Variants in NRG3 observed in about 807,000 individuals in gnomAD.
NRG3 encodes pro-neuregulin-3, membrane-bound isoform.
In NRG3, 31 loss-of-function variants were observed where a neutral mutation model predicts 66.9. That is an observed-to-expected ratio of 0.46 (90% confidence interval 0.35 to 0.63). NRG3 has a LOEUF of 0.63. NRG3 is among the 20% of genes least tolerant of loss of function. NRG3 has a pLI of 0.00. For synonymous variants in NRG3, 393 were observed against 359.4 expected, an observed-to-expected ratio of 1.09 and a Z score of -1.06; for missense variants, 910 against 878.9, an observed-to-expected ratio of 1.04 and a Z score of -0.45.
intron 1 of NRG3, among the ~76,000 whole-genome samples, chr10:82,099,929 A>T (rs987219432): frequency 1.3e-5 from 2 of 151,870 alleles, no homozygotes; most frequent in Non-Finnish European, 2.9e-5. Context: ...GTATGCAGTG[A>T]GCTGTGATTC....
intron 1 of NRG3, among the ~76,000 whole-genome samples, chr10:81,879,539 C>T (rs1841992252): frequency 6.6e-6 from 1 of 152,094 alleles, no homozygotes; most frequent in Non-Finnish European, 1.5e-5. Flanking sequence ...AATTCAAATA[C>T]TAAAGACAAA....
intron 1 of NRG3, among the ~76,000 whole-genome samples, chr10:82,147,611 T>C (rs1318057106): frequency 6.6e-6 from 1 of 152,222 alleles, no homozygotes; most frequent in Non-Finnish European, 1.5e-5. Flanking sequence ...CTGCCCAGCC[T>C]GAGCTGCCCA....
intron 1 of NRG3, among the ~76,000 whole-genome samples, chr10:82,325,953 A>G (rs1219274189): frequency 6.6e-6 from 1 of 152,176 alleles, no homozygotes; most frequent in Non-Finnish European, 1.5e-5. Context: ...AAGATACTTT[A>G]TATTTACTCA....
At chr10:81,961,811 T>TG (rs1850390286) in intron 1 of NRG3, among the ~76,000 whole-genome samples, 1 of 152,228 alleles carries the variant, frequency 6.6e-6, no homozygotes, top group East Asian at 1.9e-4. Flanking sequence ...TAGAAGGAGT[T>TG]TATTCTCTAT....
intron 2 of NRG3, among the ~76,000 whole-genome samples, chr10:82,605,210 G>T (rs1356899592): frequency 6.6e-6 from 1 of 152,018 alleles, no homozygotes; most frequent in South Asian, 2.1e-4. Flanking sequence ...GTTTGAGAAA[G>T]TGTACCTCTA....
chr10:82,535,483 T>C (rs1847725024), intron 2 of NRG3, among the ~76,000 whole-genome samples: 1 of 152,108 alleles, frequency 6.6e-6, no homozygotes, highest in South Asian at 2.1e-4. Context: ...ATCAGAATTT[T>C]CTATTTTGAG....
chr10:82,688,087 C>G (rs1472495601), intron 2 of NRG3, among the ~76,000 whole-genome samples: 1 of 152,158 alleles, frequency 6.6e-6, no homozygotes. Context: ...TTATCTTCCA[C>G]CTCCAGTGCA....
chr10:82,250,928 A>G (rs1275471946), intron 1 of NRG3, among the ~76,000 whole-genome samples: 1 of 152,208 alleles, frequency 6.6e-6, no homozygotes, highest in East Asian at 1.9e-4. Flanking sequence ...GCCAAGCTGC[A>G]TTTGATCGGC....
At chr10:82,371,869 G>A (rs897329169) in intron 2 of NRG3, among the ~76,000 whole-genome samples, 1 of 152,080 alleles carries the variant, frequency 6.6e-6, no homozygotes, top group African/African-American at 2.4e-5. Flanking sequence ...AAGAATGAGA[G>A]CGCACTCTCC....
intron 2 of NRG3, among the ~76,000 whole-genome samples, chr10:82,485,853 A>G (rs920106103): frequency 6.6e-6 from 1 of 152,150 alleles, no homozygotes; most frequent in African/African-American, 2.4e-5. Flanking sequence ...TAAGGGAGTT[A>G]AAGGATTACC....
At chr10:82,057,413 T>G (rs1032259654) in intron 1 of NRG3, among the ~76,000 whole-genome samples, 1 of 152,196 alleles carries the variant, frequency 6.6e-6, no homozygotes, top group Non-Finnish European at 1.5e-5. Flanking sequence ...TGTTTAATTC[T>G]GTGGTATGTT....
chr10:82,399,596 T>A (rs1336061505), intron 2 of NRG3, among the ~76,000 whole-genome samples: 1 of 152,200 alleles, frequency 6.6e-6, no homozygotes. Context: ...AACTTCTAGT[T>A]GTGTCTTCAC....
chr10:82,738,370 A>C (rs2058258051), intron 2 of NRG3, among the ~76,000 whole-genome samples: 2 of 152,236 alleles, frequency 1.3e-5, no homozygotes, highest in Admixed American at 1.3e-4. Flanking sequence ...TATAAAAGCA[A>C]AGCTACATTG....
At chr10:82,570,914 A>G (rs2045690757) in intron 2 of NRG3, among the ~76,000 whole-genome samples, 1 of 151,572 alleles carries the variant, frequency 6.6e-6, no homozygotes, top group South Asian at 2.1e-4. Context: ...CCTCATATAT[A>G]TCTCAAACCT....
At chr10:82,833,454 G>C (rs2062627384) in intron 3 of NRG3, among the ~76,000 whole-genome samples, 1 of 152,084 alleles carries the variant, frequency 6.6e-6, no homozygotes, top group Admixed American at 6.6e-5. Context: ...AAATATTGCA[G>C]CTATCTAGCT....
intron 1 of NRG3, among the ~76,000 whole-genome samples, chr10:82,025,149 T>A (rs150061163): frequency 0.03 from 4,521 of 151,844 alleles, 240 homozygotes; most frequent in African/African-American, 0.1. Flanking sequence ...TCTTATTTTT[T>A]AAATTAATAT....
At chr10:82,201,959 G>A (rs1427737808) in intron 1 of NRG3, among the ~76,000 whole-genome samples, 1 of 152,060 alleles carries the variant, frequency 6.6e-6, no homozygotes, top group African/African-American at 2.4e-5. Context: ...GTTTAGATAC[G>A]AAGACAATTG....
chr10:82,182,956 C>T (rs921200678), intron 1 of NRG3, among the ~76,000 whole-genome samples: 5 of 151,996 alleles, frequency 3.3e-5, no homozygotes. Context: ...TCATTTTTGA[C>T]TGCAAGGTTT....
chr10:82,558,123 G>A (rs1458636859), intron 2 of NRG3, among the ~76,000 whole-genome samples: 2 of 152,184 alleles, frequency 1.3e-5, no homozygotes, highest in African/African-American at 4.8e-5. Context: ...GAAATGCATT[G>A]CAAATTGCAG....
Sources: gnomAD v4.1 joint callset for allele counts (sites outside exome capture counted in the v4.1 genomes callset) on GRCh38, gnomAD v4.1.1 for gene constraint, MANE v1.5 for transcripts, NCBI Gene and HGNC (gene_info 2026-07-23, HGNC 2026-07-21) for gene names.